Variants in CCDC171 observed in about 807,000 individuals in gnomAD.
CCDC171 encodes coiled-coil domain containing 171.
Under a neutral mutation model 168.2 loss-of-function variants are expected in CCDC171, and 177 were observed. That is an observed-to-expected ratio of 1.05 (90% CI 0.93 to 1.19). The LOEUF is 1.19. CCDC171 is among the 50% of genes most tolerant of loss of function. The pLI is 0.00. For synonymous variants in CCDC171, 687 were observed against 540.8 expected (o/e 1.27, Z -3.75); for missense variants, 1,991 against 1,539.0 (o/e 1.29, Z -4.91).
At chr9:15,761,568 A>G (rs1437958230) in intron 18 of CCDC171, among the ~76,000 whole-genome samples, 1 of 152,192 alleles carries the variant, frequency 6.6e-6, no homozygotes, top group African/African-American at 2.4e-5. Context: ...TCCTCAGGTG[A>G]CTAATATGCA....
chr9:15,634,698 A>G (rs567899057), intron 7 of CCDC171, among the ~76,000 whole-genome samples: 1 of 152,294 alleles, frequency 6.6e-6, no homozygotes, highest in African/African-American at 2.4e-5. Flanking sequence ...TGTACAATTC[A>G]GTGGTTTTTA....
chr9:15,926,461 C>G (rs1825907575), intron 25 of CCDC171, among the ~76,000 whole-genome samples: 1 of 151,484 alleles, frequency 6.6e-6, no homozygotes. Context: ...ACTTTATAAT[C>G]TGATTTGATT....
At chr9:15,993,567 T>C (rs2132920866) in intron 3 of CCDC171, among the ~76,000 whole-genome samples, 1 of 152,210 alleles carries the variant, frequency 6.6e-6, no homozygotes, top group Middle Eastern at 3.4e-3. Context: ...CCAAAAGCAA[T>C]GGCAACAAAA....
Position 15,594,134 on chromosome 9 carries a change from T to G in CCDC171, c.637T>G (p.Trp213Gly), listed in dbSNP as rs748346441. ...GGAGTTTAGATTACAAGAAGAACAA[T>G]GGGAAGCAGAAAGAAGAGAATTACA... ...LEEFRLQEEQ[W>G]EAERRELQFI... Residue 213 changes from tryptophan (W) to glycine (G), a missense_variant, in exon 6 of 26, where the codon TGG becomes GGG. By Grantham distance (184) the Trp-to-Gly change is radical (BLOSUM62 -2). Transcript: ENST00000380701. 6.8e-7 allele frequency: 1 copy of G among 1,481,472 alleles called. No individual in the cohort carries two copies. Among genetic ancestry groups the G allele is most frequent in the Non-Finnish European group, 9.4e-7 (1 of 1,064,568 alleles). 91.8% of individuals were successfully genotyped at this position (1,481,472 alleles called of 1,614,324 possible).
chr9:15,699,997 C>T (rs1380123065), intron 11 of CCDC171, among the ~76,000 whole-genome samples: 3 of 152,384 alleles, frequency 2.0e-5, no homozygotes, highest in African/African-American at 7.2e-5. Context: ...GGATCCCGCA[C>T]CCGGGCTGCA....
chr9:15,911,014 G>C (rs149362322), intron 24 of CCDC171, among the ~76,000 whole-genome samples: 2 of 152,076 alleles, frequency 1.3e-5, no homozygotes, highest in Admixed American at 6.6e-5. Flanking sequence ...ATATGTGTGC[G>C]TGTGTCTTTA....
At chr9:15,996,496 A>T (rs1477571625) in intron 3 of CCDC171, among the ~76,000 whole-genome samples, 3 of 150,098 alleles carry the variant, frequency 2.0e-5, no homozygotes, top group Non-Finnish European at 4.4e-5. Context: ...TTTTGACTGA[A>T]ACCCATCACA....
At chr9:16,031,128 T>TG (rs1451501868) in intron 6 of CCDC171, among the ~76,000 whole-genome samples, 1 of 152,144 alleles carries the variant, frequency 6.6e-6, no homozygotes, top group East Asian at 1.9e-4. Context: ...GAATGCTGGT[T>TG]GGGGGCTTAG....
At chr9:15,990,583 C>G (rs1832156884) in intron 3 of CCDC171, among the ~76,000 whole-genome samples, 2 of 152,032 alleles carry the variant, frequency 1.3e-5, no homozygotes, top group African/African-American at 4.8e-5. Context: ...CAATATTAAC[C>G]ATAAATGTAA....
chr9:15,820,866 T>G (rs1222376648), intron 21 of CCDC171, among the ~76,000 whole-genome samples: 1 of 116,432 alleles, frequency 8.6e-6, no homozygotes, highest in African/African-American at 3.2e-5. Context: ...TACCAAAGCG[T>G]GGCAGAGACA....
chr9:15,865,849 C>CGTGTGTGTGTGT (rs71325944), intron 23 of CCDC171, among the ~76,000 whole-genome samples: 2 of 147,462 alleles, frequency 1.4e-5, no homozygotes, highest in African/African-American at 5.0e-5. Context: ...ACTCTGCGTG[C>CGTGTGTGTGTGT]GTGTGTGTGT....
chr9:15,808,218 T>C (rs1341737), intron 21 of CCDC171, among the ~76,000 whole-genome samples: 73,541 of 151,968 alleles, frequency 0.48, 18,185 homozygotes, highest in African/African-American at 0.58. Context: ...ATAGTCACTT[T>C]AGAGAGAAGG....
rs140376208 is a variant in CCDC171, at chr9:15,693,717, T to C, written c.1216-1518T>C. Among the ~76,000 whole-genome samples the C allele has an allele frequency of 5.1e-3, 780 of 152,296 alleles. 3 individuals are homozygous for C. The highest frequency in any genetic ancestry group is 8.4e-3 in the Non-Finnish European group (572 of 68,010). On this transcript the variant is annotated intron_variant, in intron 10 of 25. Transcript: ENST00000380701. ...ATTTTAAGGATGTAAGTTTGTCTTA[T>C]AATATCTATTCTTCCATTTTTTCTG...
At chr9:15,990,419 A>G (rs1433380230) in intron 3 of CCDC171, among the ~76,000 whole-genome samples, 1 of 152,212 alleles carries the variant, frequency 6.6e-6, no homozygotes, top group Non-Finnish European at 1.5e-5. Flanking sequence ...AGAGTTCCTG[A>G]AGGAAGCACT....
chr9:15,752,727 C>T (rs2055840265), intron 18 of CCDC171, among the ~76,000 whole-genome samples: 1 of 152,124 alleles, frequency 6.6e-6, no homozygotes. Context: ...GAACATCACA[C>T]ACCAGGGCTT....
At chr9:15,620,774 A>C (rs1564066318) in intron 6 of CCDC171, among the ~76,000 whole-genome samples, 1 of 152,214 alleles carries the variant, frequency 6.6e-6, no homozygotes, top group Non-Finnish European at 1.5e-5. Context: ...GAGTCAACCA[A>C]TGTAGCAAAC....
chr9:15,571,093 T>A (rs1334509911), intron 2 of CCDC171, among the ~76,000 whole-genome samples: 1 of 152,220 alleles, frequency 6.6e-6, no homozygotes, highest in Non-Finnish European at 1.5e-5. Context: ...TTACCACTTG[T>A]CCACATGCAT....
At chr9:16,057,108 C>T (rs562096348) in intron 1 of CCDC171, among the ~76,000 whole-genome samples, 1 of 152,286 alleles carries the variant, frequency 6.6e-6, no homozygotes, top group African/African-American at 2.4e-5. Flanking sequence ...ACAACTTCTG[C>T]TGTTATGAAT....
At chr9:15,940,938 A>G (rs1827642831) in intron 25 of CCDC171, among the ~76,000 whole-genome samples, 1 of 151,936 alleles carries the variant, frequency 6.6e-6, no homozygotes, top group South Asian at 2.1e-4. Flanking sequence ...TGGGTGATTA[A>G]CCTCTCTGGT....
Sources: gnomAD v4.1 joint callset for allele counts (sites outside exome capture counted in the v4.1 genomes callset) on GRCh38, gnomAD v4.1.1 for gene constraint, MANE v1.5 for transcripts, NCBI Gene and HGNC (gene_info 2026-07-23, HGNC 2026-07-21) for gene names.